Variants in ARPC4 observed in about 807,000 individuals in gnomAD.
ARPC4 encodes actin related protein 2/3 complex subunit 4.
In ARPC4, 3 loss-of-function variants were observed where a neutral mutation model predicts 22.8. That is an observed-to-expected ratio of 0.13 (90% confidence interval 0.06 to 0.34). The LOEUF is 0.34. ARPC4 is among the 10% of genes least tolerant of loss of function. The pLI is 1.00. For synonymous variants in ARPC4, 80 were observed against 72.5 expected (o/e 1.10, Z -0.52); for missense variants, 98 against 211.0 (o/e 0.46, Z 3.32).
intron 4 of ARPC4, 133 bp from the exon 5 acceptor site, chr3:9,803,710 A>C: frequency 9.8e-7 from 1 of 1,015,874 alleles, no homozygotes; most frequent in Non-Finnish European, 1.5e-6. Flanking sequence ...CTGGAAGGGT[A>C]TGTAGCTTGG....
rs77997289 is a variant in ARPC4 at position 9,806,457 on chromosome 3, T to C, written c.*242T>C. On this transcript the variant is annotated 3_prime_UTR_variant, in exon 6 of 6. Transcript: ENST00000397261. ...GTTCAGTCCCCTGGGCCGGGACAGA[T>C]TTTTTTTAACGTCTTGAAACTTAAA... The C allele has an allele frequency of 3.9e-5, 22 of 567,304 alleles. No homozygotes were observed. Among genetic ancestry groups the C allele is most frequent in the Admixed American group, 1.2e-4 (4 of 32,094 alleles). The allele number at this position is 567,304 out of a possible 1,614,324, so 35.1% of individuals were successfully genotyped here.
upstream of ARPC4, chr3:9,792,664 C>A: frequency 8.1e-7 from 1 of 1,232,498 alleles, no homozygotes; most frequent in Non-Finnish European, 1.0e-6. Context: ...CGGCCGAGAT[C>A]TCCGCGCTGC....
chr3:9,803,104 T>C (rs561793402), intron 4 of ARPC4, among the ~76,000 whole-genome samples: 62 of 151,198 alleles, frequency 4.1e-4, no homozygotes, highest in East Asian at 2.0e-3. Flanking sequence ...AGGATGGTCT[T>C]GATCTCCTGA....
At chr3:9,800,324 G>A (rs1327030853) in intron 3 of ARPC4, 28 bp downstream of exon 3, 9 of 1,609,348 alleles carry the variant, frequency 5.6e-6, no homozygotes, top group East Asian at 4.5e-5. Flanking sequence ...GAGGCCCAAC[G>A]TAAGGCCTCT....
chr3:9,806,507 C>G lies in ARPC4; in HGVS notation c.*292C>G. The G allele has an allele frequency of 2.2e-6, 1 of 448,858 alleles. No individual in the cohort carries two copies. The allele number at this position is 448,858 out of a possible 1,614,324, so 27.8% of individuals were successfully genotyped here. Reference sequence around the variant, plus strand: ...ACTCTGTGCTTGTAGGATACTGTAACCTTTTTGTCTTTTTTTTTTTTTTTT... The same window carrying G: ...ACTCTGTGCTTGTAGGATACTGTAAGCTTTTTGTCTTTTTTTTTTTTTTTT... On this transcript the variant is annotated 3_prime_UTR_variant, in exon 6 of 6. Transcript: ENST00000397261.
At chr3:9,801,289 G>T (rs552027289) in intron 3 of ARPC4, among the ~76,000 whole-genome samples, 1 of 149,798 alleles carries the variant, frequency 6.7e-6, no homozygotes, top group African/African-American at 2.4e-5. Flanking sequence ...TGGATGTTCA[G>T]TGTTATTAAA....
chr3:9,801,672 C>A lies in ARPC4; in HGVS notation c.246C>A (p.Ile82=). The part of the protein sequence containing the change: ...VSIAVKQADE[I]EKILCHKFMR... ...CTTGCACTCCCCAGGCTGATGAGAT[C>A]GAGAAGATTTTGTGCCACAAGTTCA... Residue 82 remains isoleucine, a synonymous_variant, in exon 4 of 6, where the codon ATC becomes ATA. Coordinates refer to ENST00000397261, the MANE Select transcript of ARPC4 (RefSeq NM_005718.5). The A allele has an allele frequency of 6.2e-7, 1 of 1,608,164 alleles. No individual in the cohort carries two copies. Among genetic ancestry groups the A allele is most frequent in the Non-Finnish European group, 8.5e-7 (1 of 1,176,644 alleles).
chr3:9,800,272 C>T lies in ARPC4; in HGVS notation c.210C>T (p.Val70=). ...KVLIEGSINS[V]RVSIAVKQAD... Reference sequence around the variant, plus strand: ...TGATTGAGGGCTCCATCAACTCTGTCCGGGTCAGCATTGCTGTGAAACAGG... The same window carrying T: ...TGATTGAGGGCTCCATCAACTCTGTTCGGGTCAGCATTGCTGTGAAACAGG... The change falls in exon 3 of 6, where the codon GTC becomes GTT. Residue 70 remains valine (V), a synonymous_variant. Transcript: ENST00000397261. 6.2e-7 allele frequency: 1 copy of T among 1,614,106 alleles called. No individual in the cohort carries two copies. Among genetic ancestry groups the T allele is most frequent in the Non-Finnish European group, 8.5e-7 (1 of 1,180,016 alleles).
At chr3:9,793,626 C>G (rs572650283) in intron 1 of ARPC4, among the ~76,000 whole-genome samples, 1 of 152,208 alleles carries the variant, frequency 6.6e-6, no homozygotes, top group Admixed American at 6.5e-5. Context: ...GAGGATCTCT[C>G]GTGTTGCTTC....
At chr3:9,799,782 G>A (rs1161103966) in intron 2 of ARPC4, 2 of 445,806 alleles carry the variant, frequency 4.5e-6, no homozygotes, top group East Asian at 1.4e-4. Flanking sequence ...GATTGGGGAT[G>A]TTCAACTTGT....
chr3:9,799,926 T>G, intron 2 of ARPC4: 1 of 596,102 alleles, frequency 1.7e-6, no homozygotes, highest in Non-Finnish European at 3.1e-6. Context: ...GATGAGAAAA[T>G]TGAGATTCCA....
intron 1 of ARPC4, 116 bp downstream of exon 1, chr3:9,793,240 G>A: frequency 2.8e-6 from 4 of 1,452,762 alleles, no homozygotes; most frequent in South Asian, 1.4e-5. Flanking sequence ...TCCGGGGGTT[G>A]TGGGGACACG....
At chr3:9,800,076 T>A (rs2078975872) in intron 2 of ARPC4, 109 bp from the exon 3 acceptor site, 4 of 1,092,866 alleles carry the variant, frequency 3.7e-6, no homozygotes, top group Non-Finnish European at 5.3e-6. Flanking sequence ...TTGTGAGTCT[T>A]CTATTCCTTG....
In ARPC4 at chr3:9,801,654, T is replaced by A; in HGVS notation, c.235-7T>A. On this transcript the variant is annotated splice_region_variant and splice_polypyrimidine_tract_variant and intron_variant, in intron 3 of 5. Coordinates refer to ENST00000397261, the MANE Select transcript of ARPC4 (RefSeq NM_005718.5). ...TTAGAGAAACATTTCTCTCTTGCAC[T>A]CCCCAGGCTGATGAGATCGAGAAGA... The A allele has an allele frequency of 1.2e-6, 2 of 1,601,430 alleles. No homozygotes were observed. The highest frequency in any genetic ancestry group is 1.7e-6 in the Non-Finnish European group (2 of 1,172,106).
In ARPC4 at chr3:9,793,126, TGA is replaced by T. The variant is rs928791346; in HGVS notation, c.3+8_3+9del. 16 of 1,543,356 alleles carry T rather than the reference TGA, an allele frequency of 1.0e-5. No homozygotes were observed. Among genetic ancestry groups the T allele is most frequent in the Non-Finnish European group, 1.3e-5 (15 of 1,143,526 alleles). The stretch of plus-strand genomic sequence containing the variant: ...CCGGCCCAGCCAGCGCCCGCGATGG[TGA>T]GAGAGCCGGGCCCCCGGCCAGGGAC... On this transcript the variant is annotated splice_donor_region_variant and intron_variant, in intron 1 of 5. Coordinates refer to ENST00000397261, the MANE Select transcript of ARPC4 (RefSeq NM_005718.5).
At chr3:9,801,040 G>C (rs576879135) in intron 3 of ARPC4, among the ~76,000 whole-genome samples, 15 of 151,568 alleles carry the variant, frequency 9.9e-5, no homozygotes, top group African/African-American at 3.6e-4. Context: ...GTAAAACCCT[G>C]TCTCTACTAA....
chr3:9,793,156 C>T (rs1270523179), intron 1 of ARPC4, 32 bp downstream of exon 1: 20 of 1,536,480 alleles, frequency 1.3e-5, no homozygotes, highest in Non-Finnish European at 1.7e-5. Flanking sequence ...CCAGGGACCC[C>T]CGGCTGTTCG....
At chr3:9,797,556 G>T in intron 1 of ARPC4, 103 bp from the exon 2 acceptor site, 2 of 1,298,164 alleles carry the variant, frequency 1.5e-6, no homozygotes, top group Non-Finnish European at 2.2e-6. Context: ...TAAGAGCCTT[G>T]CACCCTCAGT....
chr3:9,798,287 A>G (rs2078938606), intron 2 of ARPC4, among the ~76,000 whole-genome samples: 1 of 151,860 alleles, frequency 6.6e-6, no homozygotes, highest in Non-Finnish European at 1.5e-5. Flanking sequence ...TTTCCCCTTT[A>G]AAATTTAATC....
Sources: gnomAD v4.1 joint callset for allele counts (sites outside exome capture counted in the v4.1 genomes callset) on GRCh38, gnomAD v4.1.1 for gene constraint, MANE v1.5 for transcripts, NCBI Gene and HGNC (gene_info 2026-07-23, HGNC 2026-07-21) for gene names.